Variants in ZSWIM6 observed in about 807,000 individuals in gnomAD.
The protein encoded by ZSWIM6 is zinc finger SWIM domain-containing protein 6.
Under a neutral mutation model 113.2 loss-of-function variants are expected in ZSWIM6, and 9 were observed. The observed-to-expected ratio is 0.08, with a 90% CI of 0.05 to 0.14. The LOEUF (loss-of-function observed/expected upper bound fraction) is 0.14. Ranked by LOEUF, ZSWIM6 falls within the 10% of genes least tolerant of loss-of-function variation. ZSWIM6 has a pLI of 1.00. For synonymous variants in ZSWIM6, 611 were observed against 606.5 expected, an observed-to-expected ratio of 1.01 and a Z score of -0.11; for missense variants, 1,162 against 1,552.2, an observed-to-expected ratio of 0.75 and a Z score of 4.22.
At chr5:61,471,213 C>T (rs188914205) in intron 1 of ZSWIM6, among the ~76,000 whole-genome samples, 11 of 152,300 alleles carry the variant, frequency 7.2e-5, no homozygotes, top group African/African-American at 2.6e-4. Flanking sequence ...ACCTGAAATC[C>T]TGAGGTCAGT....
At chr5:61,471,324 G>A (rs1747565320) in intron 1 of ZSWIM6, among the ~76,000 whole-genome samples, 1 of 152,182 alleles carries the variant, frequency 6.6e-6, no homozygotes, top group African/African-American at 2.4e-5. Flanking sequence ...GGGTGGAACT[G>A]AATGGATGCT....
Position 61,476,007 on chromosome 5 carries a change from A to G in ZSWIM6, c.1033+2970A>G, listed in dbSNP as rs559309823. On this transcript the variant is annotated intron_variant, in intron 2 of 13. Transcript: ENST00000252744. ...TGGAAAAGCATCACTTTTACCTCGC[A>G]TAGATAAAAGGGTTAAGATATGATT... is the stretch of plus-strand genomic sequence containing the variant. Among the ~76,000 whole-genome samples, 4 of 152,348 alleles carry G rather than the reference A, an allele frequency of 2.6e-5. No homozygotes were observed. The East Asian group carries it at 7.7e-4, about 29-fold the overall frequency.
chr5:61,545,717 C>G lies in ZSWIM6; in HGVS notation c.*1400C>G, dbSNP rs1749871054. The G allele has an allele frequency of 6.6e-6, 1 of 152,012 alleles. No homozygotes were observed. The highest frequency in any genetic ancestry group is 1.5e-5 in the Non-Finnish European group (1 of 68,000). The allele number at this position is 152,012 out of a possible 1,614,324, so 9.4% of individuals were successfully genotyped here. On this transcript the variant is annotated 3_prime_UTR_variant, in exon 14 of 14. Transcript: ENST00000252744. ...TACTCAAACAAAAGCAGCCTTCTATCTTGCCTTGTCTTAATGCTTTAAAAT... is the reference window on the plus strand; with the variant it reads ...TACTCAAACAAAAGCAGCCTTCTATGTTGCCTTGTCTTAATGCTTTAAAAT...
At chr5:61,466,221 A>G (rs1021965300) in intron 1 of ZSWIM6, among the ~76,000 whole-genome samples, 5 of 152,164 alleles carry the variant, frequency 3.3e-5, no homozygotes, top group East Asian at 1.9e-4. Flanking sequence ...TTTTTGGGCA[A>G]TGATTAACTC....
intron 2 of ZSWIM6, among the ~76,000 whole-genome samples, chr5:61,476,853 A>G (rs1395632073): frequency 1.3e-5 from 2 of 152,158 alleles, no homozygotes; most frequent in Admixed American, 1.3e-4. Context: ...CTAGAATCCA[A>G]TATTGTCTCC....
chr5:61,433,514 C>G (rs1213689222), intron 1 of ZSWIM6, among the ~76,000 whole-genome samples: 2 of 151,034 alleles, frequency 1.3e-5, no homozygotes, highest in Non-Finnish European at 2.9e-5. Flanking sequence ...CTCTTGTTGC[C>G]CAGGCTGGAG....
intron 1 of ZSWIM6, among the ~76,000 whole-genome samples, chr5:61,372,011 G>A (rs1170262098): frequency 1.3e-5 from 2 of 149,594 alleles, no homozygotes; most frequent in South Asian, 2.2e-4. Context: ...CTACAGAAGA[G>A]ATTTTTTTTT....
intron 4 of ZSWIM6, among the ~76,000 whole-genome samples, chr5:61,519,813 C>T (rs1260244315): frequency 5.3e-5 from 8 of 152,064 alleles, no homozygotes; most frequent in African/African-American, 1.2e-4. Context: ...AGTTTTTCCA[C>T]GGATGGGGGG....
At chr5:61,489,488 C>T (rs369584986) in intron 2 of ZSWIM6, among the ~76,000 whole-genome samples, 3 of 151,996 alleles carry the variant, frequency 2.0e-5, no homozygotes, top group African/African-American at 7.2e-5. Context: ...GTGACAAGCC[C>T]TCTTTAAAAA....
chr5:61,502,665 G>A (rs772597749), intron 4 of ZSWIM6, among the ~76,000 whole-genome samples: 4 of 152,284 alleles, frequency 2.6e-5, no homozygotes, highest in South Asian at 2.1e-4. Flanking sequence ...GTATCAGTCC[G>A]TGGCCTGTTA....
chr5:61,530,725 A>C (rs1209917003), intron 8 of ZSWIM6, among the ~76,000 whole-genome samples: 2 of 152,202 alleles, frequency 1.3e-5, no homozygotes, highest in African/African-American at 4.8e-5. Flanking sequence ...TCTTGACTAA[A>C]AAGACTGCCC....
intron 3 of ZSWIM6, among the ~76,000 whole-genome samples, chr5:61,492,112 TAG>T (rs1467659233): frequency 6.6e-6 from 1 of 152,134 alleles, no homozygotes; most frequent in Non-Finnish European, 1.5e-5. Context: ...GCTGGTTAAA[TAG>T]AGAGTTCTGT....
chr5:61,459,518 G>T (rs1747280479), intron 1 of ZSWIM6, among the ~76,000 whole-genome samples: 1 of 152,148 alleles, frequency 6.6e-6, no homozygotes, highest in Admixed American at 6.5e-5. Context: ...TCTACAATAA[G>T]AGTTTAGTTC....
At chr5:61,333,244 C>G (rs901092051) in intron 1 of ZSWIM6, among the ~76,000 whole-genome samples, 4 of 151,862 alleles carry the variant, frequency 2.6e-5, no homozygotes, top group Non-Finnish European at 5.9e-5. Flanking sequence ...CTCCGGGGAG[C>G]ACATCCTGGA....
chr5:61,374,963 A>G, intron 1 of ZSWIM6: 1 of 819,528 alleles, frequency 1.2e-6, no homozygotes, highest in Non-Finnish European at 1.9e-6. Flanking sequence ...AACTAAGGCT[A>G]AAATTAATAT....
At chr5:61,342,582 A>G (rs916139104) in intron 1 of ZSWIM6, among the ~76,000 whole-genome samples, 32 of 152,308 alleles carry the variant, frequency 2.1e-4, no homozygotes, top group South Asian at 8.3e-4. Context: ...ATCATTACCT[A>G]TTCCAGAAGG....
chr5:61,335,970 G>A (rs1744383204), intron 1 of ZSWIM6, among the ~76,000 whole-genome samples: 1 of 152,194 alleles, frequency 6.6e-6, no homozygotes, highest in Non-Finnish European at 1.5e-5. Context: ...TTTTTGTTAA[G>A]TAATTTATAT....
chr5:61,433,697 C>T lies in ZSWIM6; in HGVS notation c.677-38984C>T, dbSNP rs369137760. 3.2e-4 allele frequency among the ~76,000 whole-genome samples: 48 copies of T among 152,188 alleles called. 2 individuals are homozygous for T. In the South Asian group the frequency reaches 8.3e-3, roughly 26 times the overall value. On this transcript the variant is annotated intron_variant, in intron 1 of 13. Transcript: ENST00000252744. ...CCATGTTGGCCAGGCTGGTCTCAAA[C>T]GCCCGACCTCAGGTGATCCACCTGC... is the stretch of plus-strand genomic sequence containing the variant.
At chr5:61,424,182 TTAATA>T (rs1384427552) in intron 1 of ZSWIM6, among the ~76,000 whole-genome samples, 1 of 152,158 alleles carries the variant, frequency 6.6e-6, no homozygotes. Flanking sequence ...GAGATGGACT[TTAATA>T]TAAGGAGTAT....
Sources: allele counts gnomAD v4.1 joint callset (sites outside exome capture counted in the v4.1 genomes callset), GRCh38; gene constraint gnomAD v4.1.1; transcripts MANE v1.5; gene names NCBI Gene and HGNC (gene_info 2026-07-23, HGNC 2026-07-21).